PTPRS: variants seen among roughly 807,000 people sequenced by gnomAD.
PTPRS encodes the protein receptor-type tyrosine-protein phosphatase S.
Under a neutral mutation model 215.3 loss-of-function variants are expected in PTPRS, and 63 were observed. The observed-to-expected ratio is 0.29, with a 90% CI of 0.24 to 0.36. The LOEUF is 0.36. Ranked by LOEUF, PTPRS falls within the 10% of genes least tolerant of loss-of-function variation. PTPRS has a pLI of 1.00. For synonymous variants in PTPRS, 1,404 were observed against 1,191.4 expected, an observed-to-expected ratio of 1.18 and a Z score of -3.68; for missense variants, 2,258 against 2,825.8, an observed-to-expected ratio of 0.80 and a Z score of 4.56.
intron 1 of PTPRS, among the ~76,000 whole-genome samples, chr19:5,307,505 T>A (rs2049537022): frequency 6.6e-6 from 1 of 152,178 alleles, no homozygotes; most frequent in East Asian, 1.9e-4. Context: ...TAAGATACTA[T>A]ATTTTTAAGT....
At chr19:5,298,792 C>T (rs894818374) in intron 1 of PTPRS, among the ~76,000 whole-genome samples, 2 of 152,218 alleles carry the variant, frequency 1.3e-5, no homozygotes, top group Non-Finnish European at 2.9e-5. Context: ...AAATGTGTGA[C>T]ACCTTCAGGC....
intron 4 of PTPRS, among the ~76,000 whole-genome samples, chr19:5,269,867 G>C (rs902789582): frequency 1.5e-5 from 2 of 135,822 alleles, no homozygotes; most frequent in Non-Finnish European, 3.0e-5. Flanking sequence ...GTTGCAGTGA[G>C]CCAAGATCAC....
intron 16 of PTPRS, among the ~76,000 whole-genome samples, chr19:5,227,378 A>G (rs1168024427): frequency 7.1e-6 from 1 of 141,502 alleles, no homozygotes; most frequent in Non-Finnish European, 1.5e-5. Flanking sequence ...TGTTTATTTC[A>G]CTGTCTAAAC....
chr19:5,290,010 T>C (rs1331984939), intron 1 of PTPRS, among the ~76,000 whole-genome samples: 1 of 152,212 alleles, frequency 6.6e-6, no homozygotes, highest in Non-Finnish European at 1.5e-5. Context: ...GGTGCAGTAA[T>C]CTGCAAGCTC....
intron 17 of PTPRS, 124 bp downstream of exon 17, chr19:5,225,603 A>T: frequency 1.2e-6 from 1 of 864,092 alleles, no homozygotes; most frequent in Non-Finnish European, 1.9e-6. Flanking sequence ...CCTTTGTCTC[A>T]CTGTTCCAGC....
rs968785965 is a variant in PTPRS, at chr19:5,294,733, T to C, written c.-94-8499A>G. The C allele has an allele frequency of 6.6e-6, 1 of 152,154 alleles. No individual in the cohort carries two copies. The highest frequency in any genetic ancestry group is 1.5e-5 in the Non-Finnish European group (1 of 68,046). 9.4% of individuals were successfully genotyped at this position (152,154 alleles called of 1,614,324 possible). A position where few individuals can be genotyped will look rare whatever the true frequency, so the allele number is the denominator to read the frequency against. ...TTTCCCTCCTCTGCAAAATGGAGCA[T>C]GGAATCGCCCCGCCCCATCTCCAAC... On this transcript the variant is annotated intron_variant, in intron 1 of 37. Coordinates refer to ENST00000262963, the MANE Select transcript of PTPRS (RefSeq NM_002850.4). This position sits in a 1 kb window ranked among gnomAD's most constrained non-coding sequence, Gnocchi z 5.1.
chr19:5,270,030 C>G (rs977025919), intron 4 of PTPRS, among the ~76,000 whole-genome samples: 1 of 151,924 alleles, frequency 6.6e-6, no homozygotes, highest in Admixed American at 6.6e-5. Flanking sequence ...TTTTAATACC[C>G]TGAGTGCTCA....
intron 1 of PTPRS, among the ~76,000 whole-genome samples, chr19:5,310,025 C>T (rs1280486140): frequency 6.6e-6 from 1 of 152,220 alleles, no homozygotes; most frequent in African/African-American, 2.4e-5. Flanking sequence ...GCCTGCACAA[C>T]CTGCTCTGTC....
In PTPRS at chr19:5,211,778, GGAGGAAGCCAGAGGCCACCATCAGGAT is replaced by G. The variant is rs745934501; in HGVS notation, c.5056-37_5056-11del. 1.3e-5 allele frequency: 21 copies of G among 1,608,196 alleles called. No homozygotes were observed. The highest frequency in any genetic ancestry group is 1.7e-5 in the Admixed American group (1 of 59,906). On this transcript the variant is annotated splice_polypyrimidine_tract_variant and intron_variant, in intron 32 of 37. Transcript: ENST00000262963. ...TGGAGTTAGCCAGCCGCTGTGGGGA[GGAGGAAGCCAGAGGCCACCATCAGGAT>G]GAGGAAGGCTATGCTTTCAGCTGGA...
chr19:5,274,561 C>G (rs1338071685), intron 2 of PTPRS, among the ~76,000 whole-genome samples: 2 of 152,176 alleles, frequency 1.3e-5, no homozygotes, highest in Non-Finnish European at 2.9e-5. Flanking sequence ...CATATCCCCA[C>G]TTCCACCTGC....
chr19:5,217,833 T>C (rs1175769860), intron 25 of PTPRS, among the ~76,000 whole-genome samples: 1 of 152,080 alleles, frequency 6.6e-6, no homozygotes, highest in South Asian at 2.1e-4. Flanking sequence ...ATGGTAGAGT[T>C]TGTGAATCAT....
intron 2 of PTPRS, among the ~76,000 whole-genome samples, chr19:5,285,509 C>A (rs1280319960): frequency 2.0e-5 from 3 of 152,234 alleles, no homozygotes; most frequent in Non-Finnish European, 4.4e-5. Flanking sequence ...TATACACCCA[C>A]AAAACCCCAG....
chr19:5,321,069 C>T (rs2050012442), intron 1 of PTPRS, among the ~76,000 whole-genome samples: 2 of 152,022 alleles, frequency 1.3e-5, no homozygotes, highest in African/African-American at 4.8e-5. Flanking sequence ...CGAGACCAGC[C>T]TGGACAACAT....
intron 1 of PTPRS, among the ~76,000 whole-genome samples, chr19:5,330,661 G>A (rs952034959): frequency 1.4e-4 from 22 of 152,326 alleles, no homozygotes; most frequent in African/African-American, 5.3e-4. Flanking sequence ...TTTCACAGAT[G>A]AGAAAACTGA....
intron 4 of PTPRS, among the ~76,000 whole-genome samples, chr19:5,268,170 AAAAT>A (rs375188356): frequency 0.013 from 1,825 of 142,322 alleles, 21 homozygotes; most frequent in East Asian, 0.03. Flanking sequence ...ACTCCATCTC[AAAAT>A]AAATAAATAA....
rs1036934835 is a variant in PTPRS at position 5,231,415 on chromosome 19, C to G, written c.2050G>C (p.Glu684Gln). The G allele has an allele frequency of 2.5e-5, 40 of 1,613,144 alleles. No homozygotes were observed. The highest frequency in any genetic ancestry group is 3.2e-5 in the Non-Finnish European group (38 of 1,179,920). Residue 684 changes from glutamate (E) to glutamine (Q), a missense_variant, in exon 14 of 38, where the codon GAG becomes CAG. Coordinates refer to ENST00000262963, the MANE Select transcript of PTPRS (RefSeq NM_002850.4). ...TACTGGGTCCACTTCTCCAAGGCCT[C>G]CAGCAGGATCTGAGTGGTGGTCGGG... Reference protein sequence around the residue: ...IPPTTTQILLEALEKWTQYRI... With the variant: ...IPPTTTQILLQALEKWTQYRI...
chr19:5,218,116 A>C (rs906470479), intron 25 of PTPRS, among the ~76,000 whole-genome samples: 16 of 151,900 alleles, frequency 1.1e-4, no homozygotes, highest in African/African-American at 3.6e-4. Context: ...CAAAGAAATG[A>C]GGGGTTTATT....
intron 7 of PTPRS, 26 bp from the exon 8 acceptor site, chr19:5,258,153 G>A: frequency 2.5e-6 from 4 of 1,591,500 alleles, no homozygotes; most frequent in Non-Finnish European, 3.4e-6. Context: ...AAAAAGCTTG[G>A]TCTGTTAGAG....
intron 17 of PTPRS, among the ~76,000 whole-genome samples, chr19:5,224,891 T>G (rs2042337028): frequency 6.6e-6 from 1 of 151,912 alleles, no homozygotes; most frequent in Non-Finnish European, 1.5e-5. Flanking sequence ...CACAGTGGTG[T>G]GGCTACAAGG....
Sources: gnomAD v4.1 joint callset for allele counts (sites outside exome capture counted in the v4.1 genomes callset) on GRCh38, gnomAD v4.1.1 for gene constraint, Gnocchi (gnomAD v3.1) non-coding constraint, MANE v1.5 for transcripts, NCBI Gene and HGNC (gene_info 2026-07-23, HGNC 2026-07-21) for gene names.